Variants in PNPLA5 observed in about 807,000 individuals in gnomAD.
PNPLA5 encodes patatin like domain 5, triacylglycerol lipase.
In PNPLA5, 44 loss-of-function variants were observed where a neutral mutation model predicts 49.1. The ratio of observed to expected loss-of-function variants is 0.90; its 90% CI spans 0.70 to 1.15. PNPLA5 has a LOEUF of 1.15. Ranked by LOEUF, PNPLA5 falls within the 50% of genes most tolerant of loss-of-function variation. PNPLA5 has a pLI of 0.00. For synonymous variants in PNPLA5, 243 were observed against 244.4 expected (o/e 0.99, Z 0.06); for missense variants, 603 against 564.0 (o/e 1.07, Z -0.70).
Position 43,886,466 on chromosome 22 carries a change from T to C in PNPLA5, c.786A>G (p.Leu262=). The C allele has an allele frequency of 1.2e-6, 2 of 1,613,624 alleles. No homozygotes were observed. The highest frequency in any genetic ancestry group is 1.7e-6 in the Non-Finnish European group (2 of 1,179,798). ...ERRGLTKEPV[L]WTLVSKEPPA... ...GGGGTTCCTTAGACACCAGCGTCCA[T>C]AGCACTGGTTCCTTGGTGAGTCCTG... The change falls in exon 6 of 9, where the codon CTA becomes CTG. Residue 262 remains leucine, a synonymous_variant. Transcript: ENST00000216177.
rs912926003 is a variant in PNPLA5, at chr22:43,879,720, C to G, written c.*1075G>C. The G allele has an allele frequency of 6.6e-6, 1 of 152,130 alleles. No individual in the cohort carries two copies. Among genetic ancestry groups the G allele is most frequent in the Non-Finnish European group, 1.5e-5 (1 of 68,040 alleles). 9.4% of individuals were successfully genotyped at this position (152,130 alleles called of 1,614,324 possible). On this transcript the variant is annotated 3_prime_UTR_variant, in exon 9 of 9. Transcript: ENST00000216177. ...CTTTATTTATTTAGAGACAGGGGCT[C>G]ACTTTGTTGCCTGGGCTGGGGTGCA...
chr22:43,890,947 C>A (rs1181912167), intron 2 of PNPLA5, 115 bp downstream of exon 2: 8 of 1,352,982 alleles, frequency 5.9e-6, no homozygotes, highest in African/African-American at 2.9e-5. Flanking sequence ...CAGGTCCACC[C>A]GCCCTCCCTC....
rs1356300834 is a variant in PNPLA5 at position 43,886,426 on chromosome 22, C to T, written c.826G>A (p.Gly276Arg). ...VSKEPPAPAD[G>R]NWDAGCDQRW... ...TGGTCACAGCCAGCATCCCAGTTTC[C>T]GTCAGCCGGGGCTGGGGGTTCCTTA... The change falls in exon 6 of 9, where the codon GGA becomes AGA. Residue 276 changes from glycine (G) to arginine (R), a missense_variant. Transcript: ENST00000216177. The T allele has an allele frequency of 1.9e-6, 3 of 1,614,034 alleles. No homozygotes were observed. The highest frequency in any genetic ancestry group is 2.5e-6 in the Non-Finnish European group (3 of 1,180,032).
At chr22:43,882,970 CA>C (rs1269571732) in intron 7 of PNPLA5, among the ~76,000 whole-genome samples, 6 of 152,242 alleles carry the variant, frequency 3.9e-5, no homozygotes, top group African/African-American at 1.4e-4. Flanking sequence ...CTCCAGAGCT[CA>C]GTGCGTCTGC....
chr22:43,881,000 G>C (rs1164679691), intron 8 of PNPLA5, 115 bp from the exon 9 acceptor site: 20 of 1,241,178 alleles, frequency 1.6e-5, no homozygotes, highest in Non-Finnish European at 1.8e-5. Flanking sequence ...CCCAAATCCT[G>C]CTCTGAGGGA....
intron 1 of PNPLA5, 36 bp downstream of exon 1, chr22:43,891,652 C>G (rs2049724614): frequency 6.6e-7 from 1 of 1,515,344 alleles, no homozygotes; most frequent in Non-Finnish European, 8.8e-7. Context: ...ATTAAGCTGT[C>G]CCCGCCCCTT....
intron 6 of PNPLA5, among the ~76,000 whole-genome samples, chr22:43,885,251 G>A (rs567604233): frequency 2.7e-4 from 41 of 152,278 alleles, no homozygotes; most frequent in African/African-American, 9.4e-4. Flanking sequence ...ACAGGTCCCC[G>A]CCCATTTCTG....
At chr22:43,882,412 T>C (rs2049619754) in intron 7 of PNPLA5, among the ~76,000 whole-genome samples, 2 of 152,162 alleles carry the variant, frequency 1.3e-5, no homozygotes, top group African/African-American at 4.8e-5. Flanking sequence ...CTGCAGGGCC[T>C]CAACCTGCAC....
At chr22:43,891,617 G>T in intron 1 of PNPLA5, 71 bp downstream of exon 1, 1 of 1,459,204 alleles carries the variant, frequency 6.9e-7, no homozygotes, top group Non-Finnish European at 9.1e-7. Context: ...CCAGGCACCA[G>T]CGTCTCTGGG....
At chr22:43,888,036 G>T (rs1201683353) in intron 4 of PNPLA5, among the ~76,000 whole-genome samples, 1 of 152,210 alleles carries the variant, frequency 6.6e-6, no homozygotes, top group African/African-American at 2.4e-5. Flanking sequence ...GTGGATGGGG[G>T]TTCCCTTTGC....
In PNPLA5 at chr22:43,891,096, A is replaced by G. The variant is rs1193091596; in HGVS notation, c.392T>C (p.Val131Ala). 6.2e-7 allele frequency: 1 copy of G among 1,611,044 alleles called. No homozygotes were observed. Among genetic ancestry groups the G allele is most frequent in the Admixed American group, 1.7e-5 (1 of 59,770 alleles). ...CTCATCGCAGGTGGCGAAGTCAGTG[A>G]CCAAGAAGTTGCGTCCGTCAGGCCA... Reference protein sequence around the residue: ...TRWPDGRNFLVTDFATCDELI... With the variant: ...TRWPDGRNFLATDFATCDELI... The change falls in exon 2 of 9, where the codon GTC becomes GCC. Residue 131 changes from valine to alanine, a missense_variant. Transcript: ENST00000216177.
rs533020806 is a variant in PNPLA5, at chr22:43,884,620, C to G, written c.950-275G>C. Among the ~76,000 whole-genome samples, 388 of 152,278 alleles carry G rather than the reference C, an allele frequency of 2.5e-3. 4 individuals are homozygous for G. Among genetic ancestry groups the G allele is most frequent in the African/African-American group, 9.1e-3 (376 of 41,546 alleles). On this transcript the variant is annotated intron_variant, in intron 6 of 8. Transcript: ENST00000216177. ...GACCATCAACAGGAAGTGGCAGGGC[C>G]AGGATGGACTTGAGGACTCTCAGGC...
intron 7 of PNPLA5, among the ~76,000 whole-genome samples, chr22:43,882,607 G>A (rs2049621772): frequency 6.6e-6 from 1 of 152,250 alleles, no homozygotes; most frequent in Non-Finnish European, 1.5e-5. Flanking sequence ...GAACTTCCCT[G>A]TGGTCTGGGC....
Position 43,889,974 on chromosome 22 carries a change from C to T in PNPLA5, c.427-110G>A. The T allele has an allele frequency of 3.3e-6, 5 of 1,498,628 alleles. No individual in the cohort carries two copies. The South Asian group carries it at 4.0e-5, about 12-fold the overall frequency. 92.8% of individuals were successfully genotyped at this position (1,498,628 alleles called of 1,614,324 possible). On this transcript the variant is annotated intron_variant, in intron 2 of 8. Transcript: ENST00000216177. ...AGCCTGCAAAGGAGGTGTCATCAGT[C>T]CCACGTCCAGATGAGGGAGCTGAGG...
At chr22:43,883,159 C>T (rs2049627337) in intron 7 of PNPLA5, among the ~76,000 whole-genome samples, 2 of 152,204 alleles carry the variant, frequency 1.3e-5, no homozygotes, top group South Asian at 4.1e-4. Flanking sequence ...GCTGACTCAT[C>T]CTTCAGATTA....
At chr22:43,891,522 A>G (rs2049723205) in intron 1 of PNPLA5, 166 bp downstream of exon 1, 2 of 852,762 alleles carry the variant, frequency 2.3e-6, no homozygotes, top group South Asian at 5.4e-5. Context: ...TCCTCTGCAA[A>G]TGGGGGTCAC....
chr22:43,884,218 G>T lies in PNPLA5; in HGVS notation c.1077C>A (p.Ser359Arg). 1 of 1,551,250 alleles carries T rather than the reference G, an allele frequency of 6.4e-7. No homozygotes were observed. The highest frequency in any genetic ancestry group is 8.7e-7 in the Non-Finnish European group (1 of 1,145,404). The change falls in exon 7 of 9, where the codon AGC (serine) becomes AGA (arginine). Residue 359 changes from serine (S) to arginine (R), a missense_variant. By Grantham distance (110) the Ser-to-Arg change is moderately radical. Coordinates refer to ENST00000216177, the MANE Select transcript of PNPLA5 (RefSeq NM_138814.4). ...GCCCCCTGGCCGAGCCTTACCTTCT[G>T]CTGCGGAAGTAGATGTACTCGAAGG... ...TLPFEYIYFR[S>R]RRLVVWLPDV...
intron 4 of PNPLA5, among the ~76,000 whole-genome samples, chr22:43,888,642 C>T (rs1268447960): frequency 6.6e-6 from 1 of 151,944 alleles, no homozygotes; most frequent in Admixed American, 6.6e-5. Flanking sequence ...ACCATATTGG[C>T]CAGGTTGGTC....
Position 43,880,754 on chromosome 22 carries a change from T to A in PNPLA5, c.*41A>T. 7.7e-7 allele frequency: 1 copy of A among 1,298,610 alleles called. No homozygotes were observed. Among genetic ancestry groups the A allele is most frequent in the Non-Finnish European group, 9.8e-7 (1 of 1,018,240 alleles). The allele number at this position is 1,298,610 out of a possible 1,614,324, so 80.4% of individuals were successfully genotyped here. ...CACAGGACAAAGGCCAGAGCAGGAA[T>A]CAAGGGACACCAGTCACTGGGCTGG... is the stretch of plus-strand genomic sequence containing the variant. On this transcript the variant is annotated 3_prime_UTR_variant, in exon 9 of 9. Coordinates refer to ENST00000216177, the MANE Select transcript of PNPLA5 (RefSeq NM_138814.4).
Sources: gnomAD v4.1 joint callset for allele counts (sites outside exome capture counted in the v4.1 genomes callset) on GRCh38, gnomAD v4.1.1 for gene constraint, MANE v1.5 for transcripts, NCBI Gene and HGNC (gene_info 2026-07-23, HGNC 2026-07-21) for gene names.